Variants in PXDNL observed in about 807,000 individuals in gnomAD.
PXDNL encodes peroxidasin like, also known as probable oxidoreductase PXDNL.
In PXDNL, 145 loss-of-function variants were observed where a neutral mutation model predicts 150.8. The ratio of observed to expected loss-of-function variants is 0.96; its 90% CI spans 0.84 to 1.10. The LOEUF (loss-of-function observed/expected upper bound fraction) is 1.10. PXDNL is among the 50% of genes least tolerant of loss of function. The pLI is 0.00. For synonymous variants in PXDNL, 757 were observed against 725.7 expected, an observed-to-expected ratio of 1.04 and a Z score of -0.69; for missense variants, 2,087 against 1,873.9, an observed-to-expected ratio of 1.11 and a Z score of -2.10.
intron 1 of PXDNL, among the ~76,000 whole-genome samples, chr8:51,707,084 T>G (rs975355401): frequency 5.9e-5 from 9 of 152,216 alleles, no homozygotes; most frequent in Admixed American, 5.9e-4. Flanking sequence ...ATAAACAAAT[T>G]TATGAAATAA....
Position 51,345,957 on chromosome 8 carries a change from A to G in PXDNL, c.3902-10T>C. 6.6e-7 allele frequency: 1 copy of G among 1,524,226 alleles called. No individual in the cohort carries two copies. Among genetic ancestry groups the G allele is most frequent in the Non-Finnish European group, 9.1e-7 (1 of 1,098,140 alleles). 94.4% of individuals were successfully genotyped at this position (1,524,226 alleles called of 1,614,324 possible). On this transcript the variant is annotated splice_polypyrimidine_tract_variant and intron_variant, in intron 19 of 22. Transcript: ENST00000356297. The stretch of plus-strand genomic sequence containing the variant: ...CCTCTACTCCTACAGTCTGTGGGGA[A>G]AGAAGTAACCACAATAGCATCATGT...
chr8:51,656,799 A>C (rs1815159352), intron 1 of PXDNL, among the ~76,000 whole-genome samples: 1 of 152,216 alleles, frequency 6.6e-6, no homozygotes, highest in Non-Finnish European at 1.5e-5. Flanking sequence ...TGTTTACTAC[A>C]CAAATTATAT....
chr8:51,779,951 C>G (rs1253265163), intron 1 of PXDNL, among the ~76,000 whole-genome samples: 4 of 152,036 alleles, frequency 2.6e-5, no homozygotes, highest in Non-Finnish European at 5.9e-5. Flanking sequence ...GTGGCTCATG[C>G]CTGTAATCCC....
chr8:51,722,522 A>G (rs1193090990), intron 1 of PXDNL, among the ~76,000 whole-genome samples: 3 of 152,178 alleles, frequency 2.0e-5, no homozygotes, highest in Admixed American at 6.5e-5. Context: ...GAATCAGGTC[A>G]CACACAGACT....
rs1417163997 is a variant in PXDNL at position 51,644,414 on chromosome 8, G to GTA, written c.236+10273_236+10274dup. Among the ~76,000 whole-genome samples, 34 of 40,788 alleles carry GTA rather than the reference G, an allele frequency of 8.3e-4. 1 individual carries two copies. Among genetic ancestry groups the GTA allele is most frequent in the African/African-American group, 1.8e-3 (28 of 15,702 alleles). 26.8% of individuals were successfully genotyped at this position (40,788 alleles called of 152,430 possible). A position where few individuals can be genotyped will look rare whatever the true frequency, so the allele number is the denominator to read the frequency against. On this transcript the variant is annotated intron_variant, in intron 2 of 22. Coordinates refer to ENST00000356297, the MANE Select transcript of PXDNL (RefSeq NM_144651.5). ...TGTGTATATATATACACATGTGTGT[G>GTA]TATATATATACACATATGTGTGTGT...
At position 51,733,829 on chromosome 8, in the gene PXDNL, AT is replaced by A. The variant is rs1585709197; in HGVS notation, c.164+75351del. On this transcript the variant is annotated intron_variant, in intron 1 of 22. Transcript: ENST00000356297. ...TCTCAAATAATATATATATATATATATATAATTTATATATATATGATATATA... is the reference window on the plus strand; with the variant it reads ...TCTCAAATAATATATATATATATATAATAATTTATATATATATGATATATA... 4.2e-5 allele frequency among the ~76,000 whole-genome samples: 6 copies of A among 141,530 alleles called. No individual in the cohort carries two copies. The East Asian group carries it at 5.9e-4, about 14-fold the overall frequency. 92.8% of individuals were successfully genotyped at this position (141,530 alleles called of 152,430 possible).
At chr8:51,594,138 T>G (rs1813510867) in intron 2 of PXDNL, among the ~76,000 whole-genome samples, 1 of 152,236 alleles carries the variant, frequency 6.6e-6, no homozygotes, top group Non-Finnish European at 1.5e-5. Flanking sequence ...CTTAGTCTAT[T>G]AAATACAACA....
chr8:51,384,199 C>G (rs1290181097), intron 17 of PXDNL, among the ~76,000 whole-genome samples: 1 of 152,122 alleles, frequency 6.6e-6, no homozygotes, highest in African/African-American at 2.4e-5. Context: ...TACTCTCACA[C>G]AGAACAAAAT....
In PXDNL at chr8:51,409,043, G is replaced by C; in HGVS notation, c.2581C>G (p.Leu861Val). 1 of 1,610,238 alleles carries C rather than the reference G, an allele frequency of 6.2e-7. No homozygotes were observed. Among genetic ancestry groups the C allele is most frequent in the Middle Eastern group, 1.7e-4 (1 of 6,058 alleles). ...DPRGTHAPCM[L>V]FARSSPACAS... ...CACGCGGGGCTGGAGCGCGCGAAGA[G>C]CATGCAGGGCGCGTGGGTGCCCCGG... is the stretch of plus-strand genomic sequence containing the variant. Residue 861 changes from leucine to valine, a missense_variant, in exon 17 of 23, where the codon CTC (leucine) becomes GTC (valine). By Grantham distance (32) the Leu-to-Val change is conservative. Coordinates refer to ENST00000356297, the MANE Select transcript of PXDNL (RefSeq NM_144651.5).
intron 3 of PXDNL, among the ~76,000 whole-genome samples, chr8:51,577,850 G>A (rs1388989019): frequency 6.8e-6 from 1 of 147,920 alleles, no homozygotes; most frequent in African/African-American, 2.5e-5. Flanking sequence ...CCACTCCATT[G>A]GAAGATCTAG....
chr8:51,348,945 C>G lies in PXDNL; in HGVS notation c.3902-2998G>C, dbSNP rs193065962. ...CTAGATTTCTGGCTTATGCAACTTG[C>G]AAATAATAGGGTCATTATTTGTTAA... On this transcript the variant is annotated intron_variant, in intron 19 of 22. Transcript: ENST00000356297. 4.6e-5 allele frequency among the ~76,000 whole-genome samples: 7 copies of G among 152,278 alleles called. No individual in the cohort carries two copies. The East Asian group carries it at 1.4e-3, about 29-fold the overall frequency.
rs185711734 is a variant in PXDNL, at chr8:51,744,889, G to A, written c.164+64292C>T. On this transcript the variant is annotated intron_variant, in intron 1 of 22. Transcript: ENST00000356297. ...AAAGAAAAGGGAAAGAGAAAGAGAA[G>A]GAAGGAAAGAAGGAAGGAAGGAAGG... Among the ~76,000 whole-genome samples the A allele has an allele frequency of 1.3e-3, 186 of 138,296 alleles. 1 individual carries two copies. The highest frequency in any genetic ancestry group is 5.0e-3 in the African/African-American group (179 of 35,920). 90.7% of individuals were successfully genotyped at this position (138,296 alleles called of 152,430 possible). A position where few individuals can be genotyped will look rare whatever the true frequency, so the allele number is the denominator to read the frequency against.
At chr8:51,365,698 T>A (rs1228041829) in intron 19 of PXDNL, among the ~76,000 whole-genome samples, 1 of 152,180 alleles carries the variant, frequency 6.6e-6, no homozygotes, top group Non-Finnish European at 1.5e-5. Flanking sequence ...TCGTAGCCTG[T>A]GAGTGATATG....
At chr8:51,620,876 T>G (rs1392779980) in intron 2 of PXDNL, among the ~76,000 whole-genome samples, 1 of 152,212 alleles carries the variant, frequency 6.6e-6, no homozygotes, top group Non-Finnish European at 1.5e-5. Flanking sequence ...AAAAATAGTT[T>G]CTTTTGACAA....
At chr8:51,556,981 T>C (rs1028500774) in intron 3 of PXDNL, 70 bp from the exon 4 acceptor site, 17 of 899,774 alleles carry the variant, frequency 1.9e-5, no homozygotes, top group Non-Finnish European at 2.9e-5. Context: ...ATACAAACTT[T>C]TTAAACTATA....
intron 5 of PXDNL, among the ~76,000 whole-genome samples, chr8:51,496,513 T>C (rs574552310): frequency 1.1e-4 from 16 of 152,302 alleles, no homozygotes; most frequent in Admixed American, 2.0e-4. Flanking sequence ...GATGACATGA[T>C]TGTATATTTA....
chr8:51,351,205 C>T (rs572260637), intron 19 of PXDNL, among the ~76,000 whole-genome samples: 1 of 152,288 alleles, frequency 6.6e-6, no homozygotes, highest in East Asian at 1.9e-4. Context: ...TGTGTATTCC[C>T]TCAAAATTCA....
chr8:51,774,103 A>C (rs1245019301), intron 1 of PXDNL, among the ~76,000 whole-genome samples: 1 of 152,228 alleles, frequency 6.6e-6, no homozygotes, highest in East Asian at 1.9e-4. Flanking sequence ...GAAGAAAGTC[A>C]TTTAAGTAAA....
In PXDNL at chr8:51,743,299, C is replaced by A. The variant is rs2036927171; in HGVS notation, c.164+65882G>T. ...GCGGCATGATCTCGGCTCACTGTAA[C>A]CTCCGCCTCCCGGGTTCAAGCTATT... is the stretch of plus-strand genomic sequence containing the variant. On this transcript the variant is annotated intron_variant, in intron 1 of 22. Coordinates refer to ENST00000356297, the MANE Select transcript of PXDNL (RefSeq NM_144651.5). 2.0e-5 allele frequency among the ~76,000 whole-genome samples: 3 copies of A among 152,056 alleles called. No homozygotes were observed. In the South Asian group the frequency reaches 6.2e-4, roughly 32 times the overall value.
Sources: gnomAD v4.1 joint callset for allele counts (sites outside exome capture counted in the v4.1 genomes callset) on GRCh38, gnomAD v4.1.1 for gene constraint, MANE v1.5 for transcripts, NCBI Gene and HGNC (gene_info 2026-07-23, HGNC 2026-07-21) for gene names.